SZT2: variants seen among roughly 807,000 people sequenced by gnomAD.
The protein encoded by SZT2 is SZT2 subunit of KICSTOR complex, also known as KICSTOR complex protein SZT2.
In SZT2, 216 loss-of-function variants were observed where a neutral mutation model predicts 404.2. The ratio of observed to expected loss-of-function variants is 0.53; its 90% CI spans 0.48 to 0.60. SZT2 has a LOEUF of 0.60. Ranked by LOEUF, SZT2 falls within the 20% of genes least tolerant of loss-of-function variation. The pLI, the probability that SZT2 is intolerant of heterozygous loss-of-function variation, is 0.00. For missense variants in SZT2, 3,857 were observed against 4,459.2 expected (o/e 0.86, Z 3.85); for synonymous variants, 1,693 against 1,749.9 (o/e 0.97, Z 0.81).
Position 43,453,804 on chromosome 1 carries a change from G to A in SZT2, c.*3324G>A. ...GCGCAGCGGCGCCATGCCTGGGGAGGCCGGGCCGGGCGGAGTCCGCGGGAT... is the reference window on the plus strand; with the variant it reads ...GCGCAGCGGCGCCATGCCTGGGGAGACCGGGCCGGGCGGAGTCCGCGGGAT... On this transcript the variant is annotated 3_prime_UTR_variant, in exon 72 of 72. Transcript: ENST00000634258. The A allele has an allele frequency of 8.0e-7, 1 of 1,256,712 alleles. No individual in the cohort carries two copies. Among genetic ancestry groups the A allele is most frequent in the Non-Finnish European group, 1.0e-6 (1 of 1,003,126 alleles). The allele number at this position is 1,256,712 out of a possible 1,614,324, so 77.8% of individuals were successfully genotyped here.
In SZT2 at chr1:43,420,930, T is replaced by G; in HGVS notation, c.1443T>G (p.Ile481Met). Residue 481 changes from isoleucine to methionine, a missense_variant, in exon 10 of 72, where the codon ATT becomes ATG. Ile to Met is a conservative substitution (Grantham distance 10, BLOSUM62 1). This residue lies in a region of SZT2 where 536 missense variants were observed against 637.4 expected (regional missense o/e 0.84). Coordinates refer to ENST00000634258, the MANE Select transcript of SZT2 (RefSeq NM_001365999.1). The surrounding 1 kb of genome is among the most constrained non-coding windows in gnomAD (Gnocchi z 5.1). ...HDVSCALRQP[I>M]RSLYRTHVIR... The stretch of plus-strand genomic sequence containing the variant: ...TGTCCTGTGCACTAAGGCAGCCCAT[T>G]CGTTCATTGTATCGTACCCATGTTA... 6.3e-7 allele frequency: 1 copy of G among 1,598,430 alleles called. No homozygotes were observed. The highest frequency in any genetic ancestry group is 1.1e-5 in the South Asian group (1 of 91,084).
At chr1:43,428,778 G>C (rs1653498886) in intron 28 of SZT2, 1 of 386,012 alleles carries the variant, frequency 2.6e-6, no homozygotes, top group Admixed American at 3.8e-5. Flanking sequence ...GACTTGTTCT[G>C]AGGACATCCA....
Position 43,454,086 on chromosome 1 carries a change from G to T in SZT2, c.*3606G>T. On this transcript the variant is annotated 3_prime_UTR_variant, in exon 72 of 72. Coordinates refer to ENST00000634258, the MANE Select transcript of SZT2 (RefSeq NM_001365999.1). The stretch of plus-strand genomic sequence containing the variant: ...GGCCGAGCTCCAGGGCCTGAGAGCC[G>T]GACGCGAAGCAAGAGAGAGCTGGCT... 9.1e-7 allele frequency: 1 copy of T among 1,102,156 alleles called. No individual in the cohort carries two copies. Among genetic ancestry groups the T allele is most frequent in the Non-Finnish European group, 1.1e-6 (1 of 905,100 alleles). 68.3% of individuals were successfully genotyped at this position (1,102,156 alleles called of 1,614,324 possible).
At chr1:43,412,448 A>T (rs1319967681) in intron 4 of SZT2, 31 of 152,152 alleles carry the variant, frequency 2.0e-4, no homozygotes, top group Admixed American at 2.0e-3. Context: ...GGTGCATTTC[A>T]CCACTCAGCT....
chr1:43,447,311 TTC>T, intron 66 of SZT2, 143 bp downstream of exon 66: 1 of 1,130,818 alleles, frequency 8.8e-7, no homozygotes, highest in Non-Finnish European at 1.2e-6. Context: ...GTCCCCATGT[TTC>T]TGTCCTGTGT....
chr1:43,431,166 G>T lies in SZT2; in HGVS notation c.4916+76G>T, dbSNP rs1653822754. Reference sequence around the variant, plus strand: ...ACCACTAAGCGAATCTAGAGCACTTGGGGACTAAGGAGACCTTGAGGAGTC... The same window carrying T: ...ACCACTAAGCGAATCTAGAGCACTTTGGGACTAAGGAGACCTTGAGGAGTC... On this transcript the variant is annotated intron_variant, in intron 33 of 71. Coordinates refer to ENST00000634258, the MANE Select transcript of SZT2 (RefSeq NM_001365999.1). 11 of 1,576,582 alleles carry T rather than the reference G, an allele frequency of 7.0e-6. No homozygotes were observed. In the South Asian group the frequency reaches 1.1e-4, roughly 15 times the overall value.
intron 46 of SZT2, chr1:43,438,267 C>T (rs1295740952): frequency 5.7e-6 from 2 of 350,260 alleles, no homozygotes; most frequent in Non-Finnish European, 5.4e-6. Flanking sequence ...GTGGTGCCAC[C>T]GACCTGATAC....
rs776358909 is a variant in SZT2, at chr1:43,452,892, A to T, written c.*2412A>T. ...ACATTCCAGGCCTCCCCATCCCAAC[A>T]GGCTACATACATGTCCAGCCTCAGG... On this transcript the variant is annotated 3_prime_UTR_variant, in exon 72 of 72. Coordinates refer to ENST00000634258, the MANE Select transcript of SZT2 (RefSeq NM_001365999.1). 10 of 1,592,452 alleles carry T rather than the reference A, an allele frequency of 6.3e-6. No individual in the cohort carries two copies. The African/African-American group carries it at 1.2e-4, about 19-fold the overall frequency.
Position 43,430,665 on chromosome 1 carries a change from C to T in SZT2, c.4650C>T (p.Asp1550=), listed in dbSNP as rs1207903037. ...DEDSFSILGG[D]SPTGPESFLH... ...ACTCCTTCAGTATCTTGGGGGGCGA[C>T]TCACCCACTGGGCCTGAGAGCTTCC... Residue 1550 remains aspartate, a synonymous_variant, in exon 32 of 72, where the codon GAC becomes GAT. Coordinates refer to ENST00000634258, the MANE Select transcript of SZT2 (RefSeq NM_001365999.1). 2.5e-6 allele frequency: 4 copies of T among 1,614,034 alleles called. No individual in the cohort carries two copies. The highest frequency in any genetic ancestry group is 3.4e-6 in the Non-Finnish European group (4 of 1,180,038).
At position 43,442,782 on chromosome 1, in the gene SZT2, A is replaced by G. The variant is rs1198310946; in HGVS notation, c.8152-37A>G. On this transcript the variant is annotated intron_variant, in intron 58 of 71. Coordinates refer to ENST00000634258, the MANE Select transcript of SZT2 (RefSeq NM_001365999.1). The surrounding 1 kb of genome is among the most constrained non-coding windows in gnomAD (Gnocchi z 4.5). The stretch of plus-strand genomic sequence containing the variant: ...GGGATGAGAGAGAGGGTCCGAGGGC[A>G]AAGGCTATGAACCCATTGCAATGCT... 6.4e-7 allele frequency: 1 copy of G among 1,556,566 alleles called. No homozygotes were observed. Among genetic ancestry groups the G allele is most frequent in the Non-Finnish European group, 8.7e-7 (1 of 1,150,008 alleles).
At position 43,421,159 on chromosome 1, in the gene SZT2, G is replaced by T; in HGVS notation, c.1497-15G>T. On this transcript the variant is annotated splice_polypyrimidine_tract_variant and intron_variant, in intron 10 of 71. Coordinates refer to ENST00000634258, the MANE Select transcript of SZT2 (RefSeq NM_001365999.1). ...CAGAGTCAGATATGGCTCAGGCCTG[G>T]CCCTTATTCTACAGCATCAACCAGA... The T allele has an allele frequency of 6.3e-7, 1 of 1,598,070 alleles. No individual in the cohort carries two copies. The highest frequency in any genetic ancestry group is 8.5e-7 in the Non-Finnish European group (1 of 1,179,670).
intron 62 of SZT2, 126 bp downstream of exon 62, chr1:43,443,922 C>T: frequency 1.7e-6 from 2 of 1,188,644 alleles, no homozygotes; most frequent in South Asian, 1.4e-5. Context: ...ATGTTTATCC[C>T]ACCAGGCTTG....
chr1:43,422,665 C>CCCCCACCCCCCCGCAA (rs774896971), intron 13 of SZT2, 33 bp downstream of exon 13: 2 of 751,284 alleles, frequency 2.7e-6, no homozygotes, highest in African/African-American at 4.2e-5. Flanking sequence ...ACCCCCCGCC[C>CCCCCACCCCCCCGCAA]CCCCACCCCC....
At chr1:43,405,786 GC>G (rs1650234604) in intron 4 of SZT2, 1 of 152,416 alleles carries the variant, frequency 6.6e-6, no homozygotes, top group Non-Finnish European at 1.5e-5. Flanking sequence ...GATAGCCAAG[GC>G]AGGGAGAGCA....
Position 43,419,773 on chromosome 1 carries a change from G to T in SZT2, c.919G>T (p.Val307Leu). ...VYSYDCSFGH[V>L]PNVELMKFIA... Reference sequence around the variant, plus strand: ...CTCTTATGACTGCAGTTTTGGCCATGTGCCCAATGTGGAATTAATGAAGTT... The same window carrying T: ...CTCTTATGACTGCAGTTTTGGCCATTTGCCCAATGTGGAATTAATGAAGTT... Residue 307 changes from valine to leucine, a missense_variant, in exon 8 of 72, where the codon GTG becomes TTG. Val to Leu is a conservative substitution (Grantham distance 32). Coordinates refer to ENST00000634258, the MANE Select transcript of SZT2 (RefSeq NM_001365999.1). 1.9e-6 allele frequency: 3 copies of T among 1,598,452 alleles called. No individual in the cohort carries two copies. Among genetic ancestry groups the T allele is most frequent in the Non-Finnish European group, 2.5e-6 (3 of 1,179,816 alleles).
intron 4 of SZT2, chr1:43,410,104 A>G (rs1052509529): frequency 6.6e-6 from 1 of 152,212 alleles, no homozygotes; most frequent in South Asian, 2.1e-4. Flanking sequence ...CAGAAGCCAT[A>G]TATCTACAAT....
intron 4 of SZT2, among the ~76,000 whole-genome samples, chr1:43,411,705 GAAAAAC>G (rs898769757): frequency 7.0e-6 from 1 of 141,864 alleles, no homozygotes; most frequent in African/African-American, 2.6e-5. Context: ...GGGGAAGAAT[GAAAAAC>G]AAAAACAAAA....
At chr1:43,427,973 G>A (rs1425588179) in intron 26 of SZT2, 30 bp from the exon 27 acceptor site, 2 of 1,592,898 alleles carry the variant, frequency 1.3e-6, no homozygotes, top group Non-Finnish European at 1.7e-6. Flanking sequence ...AAGGGAGTTG[G>A]TCAAGTTCCA....
intron 14 of SZT2, 68 bp from the exon 15 acceptor site, chr1:43,423,031 C>A (rs1652604621): frequency 6.6e-7 from 1 of 1,521,902 alleles, no homozygotes; most frequent in Non-Finnish European, 8.8e-7. Flanking sequence ...CTCACTTTGT[C>A]TGTGAGCCCC....
Sources: allele counts gnomAD v4.1 joint callset (sites outside exome capture counted in the v4.1 genomes callset), GRCh38; gene constraint gnomAD v4.1.1; regional missense constraint gnomAD v4.1.1; non-coding constraint Gnocchi (gnomAD v3.1); transcripts MANE v1.5; gene names NCBI Gene and HGNC (gene_info 2026-07-23, HGNC 2026-07-21).